Variants in CTNNBL1 observed in about 807,000 individuals in gnomAD.
CTNNBL1 encodes catenin beta like 1, also known as beta-catenin-like protein 1.
A neutral mutation model predicts 72.7 loss-of-function variants in CTNNBL1; 31 were observed. The ratio of observed to expected loss-of-function variants is 0.43; its 90% CI spans 0.32 to 0.58. The LOEUF (loss-of-function observed/expected upper bound fraction) is 0.58, where lower values mean the gene tolerates loss of function less well. Ranked by LOEUF, CTNNBL1 falls within the 20% of genes least tolerant of loss-of-function variation. The pLI is 0.08. For missense variants in CTNNBL1, 534 were observed against 725.1 expected (o/e 0.74, Z 3.03); for synonymous variants, 240 against 267.3 (o/e 0.90, Z 1.00).
chr20:37,776,584 A>C (rs771015409), intron 7 of CTNNBL1, among the ~76,000 whole-genome samples: 7 of 152,074 alleles, frequency 4.6e-5, no homozygotes, highest in Non-Finnish European at 8.8e-5. Flanking sequence ...CTCTCTATGC[A>C]CCTTTATCCA....
At chr20:37,786,728 G>A (rs567853554) in intron 10 of CTNNBL1, among the ~76,000 whole-genome samples, 7 of 151,574 alleles carry the variant, frequency 4.6e-5, no homozygotes, top group South Asian at 2.1e-4. Flanking sequence ...TGAGTTAAAC[G>A]CTTAATGCTT....
chr20:37,714,757 A>T (rs558928716), intron 1 of CTNNBL1, among the ~76,000 whole-genome samples: 8 of 152,324 alleles, frequency 5.3e-5, no homozygotes, highest in African/African-American at 1.9e-4. Flanking sequence ...TGTTGGTTGG[A>T]TCTGGCCTAT....
At chr20:37,839,055 C>G (rs1450221996) in intron 11 of CTNNBL1, among the ~76,000 whole-genome samples, 1 of 151,896 alleles carries the variant, frequency 6.6e-6, no homozygotes, top group Non-Finnish European at 1.5e-5. Flanking sequence ...GATGCGATTA[C>G]CAGGGAAGTG....
chr20:37,870,382 G>T (rs993659334), intron 15 of CTNNBL1, among the ~76,000 whole-genome samples: 3 of 151,828 alleles, frequency 2.0e-5, no homozygotes, highest in Admixed American at 2.0e-4. Context: ...TGCACCCCCC[G>T]ACAGCCCCTC....
chr20:37,746,356 G>C (rs1600459765), intron 3 of CTNNBL1, 112 bp from the exon 4 acceptor site: 5 of 1,069,552 alleles, frequency 4.7e-6, no homozygotes, highest in Middle Eastern at 3.1e-4. Context: ...CTTCTTGGTT[G>C]GTCTGTTGTA....
chr20:37,758,227 T>C (rs76234728), intron 5 of CTNNBL1, among the ~76,000 whole-genome samples: 1 of 152,226 alleles, frequency 6.6e-6, no homozygotes, highest in Non-Finnish European at 1.5e-5. Flanking sequence ...AGAACAAACT[T>C]TATAGCTCAT....
At chr20:37,720,221 G>T (rs1356611511) in intron 1 of CTNNBL1, among the ~76,000 whole-genome samples, 1 of 151,932 alleles carries the variant, frequency 6.6e-6, no homozygotes, top group African/African-American at 2.4e-5. Context: ...GTAGAGAGGG[G>T]GTTTCACCAT....
At chr20:37,857,383 G>A (rs1050735697) in intron 13 of CTNNBL1, among the ~76,000 whole-genome samples, 3 of 152,170 alleles carry the variant, frequency 2.0e-5, no homozygotes, top group Admixed American at 6.5e-5. Flanking sequence ...TTTGTCAGGG[G>A]CGCATGCTGC....
At chr20:37,703,785 CT>C (rs768351287) in intron 1 of CTNNBL1, among the ~76,000 whole-genome samples, 1,972 of 138,108 alleles carry the variant, frequency 0.014, 24 homozygotes, top group African/African-American at 0.033. Context: ...AGGTTCTTTA[CT>C]TTTTTTTTTT....
At position 37,715,632 on chromosome 20, in the gene CTNNBL1, A is replaced by G. The variant is rs1403661624; in HGVS notation, c.31-17247A>G. 2.0e-5 allele frequency among the ~76,000 whole-genome samples: 3 copies of G among 152,202 alleles called. No individual in the cohort carries two copies. In the East Asian group the frequency reaches 5.8e-4, roughly 29 times the overall value. ...GAAGTGGCCGAATTCCCTTGTGTAC[A>G]GGGTTTTTCAGGCCGTGCATCTTTG... On this transcript the variant is annotated intron_variant, in intron 1 of 15. Transcript: ENST00000361383.
At chr20:37,844,531 C>G (rs367976474) in intron 13 of CTNNBL1, among the ~76,000 whole-genome samples, 32 of 152,304 alleles carry the variant, frequency 2.1e-4, no homozygotes, top group African/African-American at 6.7e-4. Flanking sequence ...AAAAGGTAAT[C>G]TTGCCACTTC....
intron 13 of CTNNBL1, among the ~76,000 whole-genome samples, chr20:37,853,153 G>A (rs1397135548): frequency 6.6e-6 from 1 of 152,160 alleles, no homozygotes; most frequent in Non-Finnish European, 1.5e-5. Context: ...AGGAGGTTGG[G>A]CTGCAGGTAT....
chr20:37,779,087 C>A, intron 9 of CTNNBL1, 100 bp from the exon 10 acceptor site: 1 of 1,175,072 alleles, frequency 8.5e-7, no homozygotes, highest in Non-Finnish European at 1.2e-6. Context: ...TTTCCTCAGT[C>A]GTAGAGTTAT....
intron 5 of CTNNBL1, among the ~76,000 whole-genome samples, chr20:37,762,879 T>C (rs1431389999): frequency 6.6e-6 from 1 of 152,164 alleles, no homozygotes; most frequent in Admixed American, 6.5e-5. Flanking sequence ...GAAGTTGGAT[T>C]TCCGTAGCAA....
At chr20:37,823,674 A>C (rs1308200100) in intron 11 of CTNNBL1, among the ~76,000 whole-genome samples, 1 of 152,214 alleles carries the variant, frequency 6.6e-6, no homozygotes, top group Non-Finnish European at 1.5e-5. Context: ...TTTCTGTCTA[A>C]AGCAGGCATC....
At chr20:37,860,675 G>GA (rs954526499) in intron 15 of CTNNBL1, among the ~76,000 whole-genome samples, 1 of 152,076 alleles carries the variant, frequency 6.6e-6, no homozygotes, top group South Asian at 2.1e-4. Context: ...CTTTCTTAGG[G>GA]AAAAAAAGCA....
intron 3 of CTNNBL1, among the ~76,000 whole-genome samples, chr20:37,743,636 G>A (rs539552047): frequency 2.0e-5 from 3 of 152,178 alleles, no homozygotes; most frequent in South Asian, 4.1e-4. Context: ...ATTTACAGAC[G>A]AATCAATGAA....
At chr20:37,724,973 A>G (rs2073070956) in intron 1 of CTNNBL1, among the ~76,000 whole-genome samples, 1 of 144,556 alleles carries the variant, frequency 6.9e-6, no homozygotes, top group South Asian at 2.2e-4. Flanking sequence ...ATACAGTGGC[A>G]TGACCTTGGC....
chr20:37,804,083 A>G (rs1223138942), intron 11 of CTNNBL1, among the ~76,000 whole-genome samples: 1 of 152,192 alleles, frequency 6.6e-6, no homozygotes, highest in African/African-American at 2.4e-5. Flanking sequence ...CTCTCCAGAG[A>G]CAACAGGAAA....
Sources: allele counts gnomAD v4.1 joint callset (sites outside exome capture counted in the v4.1 genomes callset), GRCh38; gene constraint gnomAD v4.1.1; transcripts MANE v1.5; gene names NCBI Gene and HGNC (gene_info 2026-07-23, HGNC 2026-07-21).